The following DLGAP2 variants were observed in gnomAD, a reference collection of about 807,000 sequenced individuals.
The protein encoded by DLGAP2 is disks large-associated protein 2.
In DLGAP2, 26 loss-of-function variants were observed where a neutral mutation model predicts 100.3. The ratio of observed to expected loss-of-function variants is 0.26; its 90% CI spans 0.19 to 0.36. The LOEUF is 0.36. Ranked by LOEUF, DLGAP2 falls within the 10% of genes least tolerant of loss-of-function variation. DLGAP2 has a pLI of 1.00. For synonymous variants in DLGAP2, 886 were observed against 630.1 expected, an observed-to-expected ratio of 1.41 and a Z score of -6.08; for missense variants, 1,858 against 1,453.2, an observed-to-expected ratio of 1.28 and a Z score of -4.53.
intron 3 of DLGAP2, among the ~76,000 whole-genome samples, chr8:1,454,835 C>T (rs11783302): frequency 0.13 from 19,256 of 152,122 alleles, 1,741 homozygotes; most frequent in African/African-American, 0.24. Context: ...GATACCCCAT[C>T]AGGATGATGG....
intron 2 of DLGAP2, among the ~76,000 whole-genome samples, chr8:1,150,480 C>G (rs1308030260): frequency 6.6e-6 from 1 of 151,802 alleles, no homozygotes; most frequent in African/African-American, 2.4e-5. Context: ...GCTGAAGAAT[C>G]TTCTATCTGG....
chr8:1,683,908 ATG>A (rs1165613401), intron 12 of DLGAP2, among the ~76,000 whole-genome samples: 1 of 113,224 alleles, frequency 8.8e-6, no homozygotes, highest in East Asian at 2.8e-4. Context: ...ATACACATAT[ATG>A]TGTATATATA....
chr8:1,003,754 C>G (rs538359901), intron 2 of DLGAP2, among the ~76,000 whole-genome samples: 2 of 152,316 alleles, frequency 1.3e-5, no homozygotes, highest in Non-Finnish European at 2.9e-5. Flanking sequence ...CCTGGATTCT[C>G]TCTCATGAGA....
At chr8:1,306,430 C>G (rs1351450987) in intron 3 of DLGAP2, among the ~76,000 whole-genome samples, 1 of 152,036 alleles carries the variant, frequency 6.6e-6, no homozygotes, top group Non-Finnish European at 1.5e-5. Flanking sequence ...TGTTATAAGA[C>G]ATTAAAGACA....
At chr8:1,221,827 T>A (rs940291875) in intron 2 of DLGAP2, among the ~76,000 whole-genome samples, 3 of 152,218 alleles carry the variant, frequency 2.0e-5, no homozygotes, top group Non-Finnish European at 2.9e-5. Context: ...TTTGTGTGCC[T>A]GTATTGAATT....
At chr8:1,575,562 G>A (rs1472991555) in intron 6 of DLGAP2, among the ~76,000 whole-genome samples, 2 of 150,302 alleles carry the variant, frequency 1.3e-5, no homozygotes, top group African/African-American at 4.9e-5. Flanking sequence ...TTGGTGTGCT[G>A]TACCCATTAA....
intron 3 of DLGAP2, among the ~76,000 whole-genome samples, chr8:1,366,013 C>T (rs530052309): frequency 6.6e-6 from 1 of 152,254 alleles, no homozygotes; most frequent in Non-Finnish European, 1.5e-5. Flanking sequence ...ACCGTCCAGC[C>T]TGGCTTCTGC....
At chr8:1,211,079 G>T (rs1798094003) in intron 2 of DLGAP2, among the ~76,000 whole-genome samples, 1 of 152,264 alleles carries the variant, frequency 6.6e-6, no homozygotes, top group African/African-American at 2.4e-5. Flanking sequence ...GAGATCAAGT[G>T]AGGATGAGCT....
intron 2 of DLGAP2, among the ~76,000 whole-genome samples, chr8:921,634 C>T (rs1012524209): frequency 6.6e-6 from 1 of 152,254 alleles, no homozygotes; most frequent in Non-Finnish European, 1.5e-5. Context: ...GAAACTCCTC[C>T]GCTGGCAGCG....
At chr8:904,105 G>C (rs900026895) in intron 1 of DLGAP2, among the ~76,000 whole-genome samples, 1 of 152,244 alleles carries the variant, frequency 6.6e-6, no homozygotes, top group East Asian at 1.9e-4. Flanking sequence ...AATCAGTCAC[G>C]TGTCTGACAT....
chr8:946,706 C>T (rs1310435811), intron 2 of DLGAP2, among the ~76,000 whole-genome samples: 2 of 152,198 alleles, frequency 1.3e-5, no homozygotes, highest in Non-Finnish European at 2.9e-5. Context: ...CCGCAAAGCC[C>T]ATGTTATCAC....
chr8:1,686,452 G>C (rs974082129), intron 12 of DLGAP2, among the ~76,000 whole-genome samples: 89 of 152,280 alleles, frequency 5.8e-4, no homozygotes, highest in African/African-American at 2.1e-3. Context: ...CAGATCACCT[G>C]AGGTCAGGAG....
At chr8:772,451 T>G (rs1821388109) in intron 1 of DLGAP2, among the ~76,000 whole-genome samples, 1 of 152,106 alleles carries the variant, frequency 6.6e-6, no homozygotes, top group Non-Finnish European at 1.5e-5. Context: ...ACCTCCTGAG[T>G]AGCTGGGACT....
chr8:1,492,553 T>C (rs1270509359), intron 3 of DLGAP2, among the ~76,000 whole-genome samples: 1 of 152,216 alleles, frequency 6.6e-6, no homozygotes, highest in African/African-American at 2.4e-5. Flanking sequence ...GGGACCGCGC[T>C]TCGCTCCGCA....
intron 1 of DLGAP2, among the ~76,000 whole-genome samples, chr8:758,704 G>T (rs968992033): frequency 2.0e-5 from 3 of 152,012 alleles, no homozygotes; most frequent in Non-Finnish European, 4.4e-5. Context: ...TGGTACTACA[G>T]GTGTGCACCA....
At chr8:859,033 AT>A (rs1473982389) in intron 1 of DLGAP2, among the ~76,000 whole-genome samples, 1 of 151,994 alleles carries the variant, frequency 6.6e-6, no homozygotes, top group Non-Finnish European at 1.5e-5. Context: ...AAAAAATAGT[AT>A]TTTAATTAAA....
chr8:1,450,446 C>A (rs1188705003), intron 3 of DLGAP2, among the ~76,000 whole-genome samples: 1 of 134,102 alleles, frequency 7.5e-6, no homozygotes, highest in Admixed American at 7.5e-5. Context: ...GGTGGGCGGC[C>A]TCGGTGGCTG....
At chr8:787,432 C>A (rs1262054897) in intron 1 of DLGAP2, among the ~76,000 whole-genome samples, 1 of 152,212 alleles carries the variant, frequency 6.6e-6, no homozygotes, top group African/African-American at 2.4e-5. Flanking sequence ...AACTTCTCTC[C>A]GCTTCTCCAA....
intron 3 of DLGAP2, among the ~76,000 whole-genome samples, chr8:1,289,887 T>G (rs1399201833): frequency 6.6e-6 from 1 of 152,206 alleles, no homozygotes; most frequent in Non-Finnish European, 1.5e-5. Context: ...TAAGATGATT[T>G]GTAAGTGGTT....
Sources: gnomAD v4.1 joint callset for allele counts (sites outside exome capture counted in the v4.1 genomes callset) on GRCh38, gnomAD v4.1.1 for gene constraint, MANE v1.5 for transcripts, NCBI Gene and HGNC (gene_info 2026-07-23, HGNC 2026-07-21) for gene names.